The following KCNJ3 variants were observed in gnomAD, a reference collection of about 807,000 sequenced individuals.
The protein encoded by KCNJ3 is G protein-activated inward rectifier potassium channel 1.
Under a neutral mutation model 39.2 loss-of-function variants are expected in KCNJ3, and 4 were observed. The ratio of observed to expected loss-of-function variants is 0.10; its 90% CI spans 0.05 to 0.23. The LOEUF (loss-of-function observed/expected upper bound fraction) is 0.23. KCNJ3 is among the 10% of genes least tolerant of loss of function. KCNJ3 has a pLI of 1.00. For synonymous variants in KCNJ3, 230 were observed against 237.4 expected (o/e 0.97, Z 0.29); for missense variants, 276 against 634.9 (o/e 0.43, Z 6.08).
intron 2 of KCNJ3, among the ~76,000 whole-genome samples, chr2:154,844,549 C>A (rs1687634155): frequency 6.6e-6 from 1 of 152,206 alleles, no homozygotes; most frequent in Non-Finnish European, 1.5e-5. Context: ...ATGTCCTGCC[C>A]ACAGAGGTGG....
chr2:154,761,062 CT>C (rs11375045), intron 2 of KCNJ3, among the ~76,000 whole-genome samples: 44,677 of 133,838 alleles, frequency 0.33, 7,602 homozygotes, highest in Non-Finnish European at 0.42. Flanking sequence ...TTAATTTTTT[CT>C]TTTTTTTTTT....
At chr2:154,819,657 A>G (rs989034610) in intron 2 of KCNJ3, among the ~76,000 whole-genome samples, 27 of 151,806 alleles carry the variant, frequency 1.8e-4, no homozygotes, top group Non-Finnish European at 2.8e-4. Context: ...CAGCCTCCTG[A>G]GTAGCTGGGA....
At chr2:154,708,778 A>G (rs1685056144) in intron 1 of KCNJ3, among the ~76,000 whole-genome samples, 1 of 152,186 alleles carries the variant, frequency 6.6e-6, no homozygotes, top group Non-Finnish European at 1.5e-5. Flanking sequence ...CAATTTACTT[A>G]ATTAAGCTTT....
At chr2:154,776,087 C>T (rs1301343882) in intron 2 of KCNJ3, among the ~76,000 whole-genome samples, 1 of 151,730 alleles carries the variant, frequency 6.6e-6, no homozygotes, top group Non-Finnish European at 1.5e-5. Flanking sequence ...CTGCAACCCC[C>T]GCCTCCTGGG....
At chr2:154,726,979 C>T (rs10166297) in intron 2 of KCNJ3, among the ~76,000 whole-genome samples, 1,585 of 151,836 alleles carry the variant, frequency 0.01, 18 homozygotes, top group African/African-American at 0.036. Flanking sequence ...GACGCAAAGG[C>T]ATAAGAATGA....
intron 2 of KCNJ3, among the ~76,000 whole-genome samples, chr2:154,776,354 C>T (rs1254362672): frequency 6.6e-6 from 1 of 152,006 alleles, no homozygotes; most frequent in Non-Finnish European, 1.5e-5. Flanking sequence ...CCTTTCCCAC[C>T]CCCAACCCCC....
chr2:154,772,996 C>T (rs13030600), intron 2 of KCNJ3, among the ~76,000 whole-genome samples: 6,496 of 151,898 alleles, frequency 0.043, 201 homozygotes, highest in Middle Eastern at 0.061. Flanking sequence ...ATATTTAGTG[C>T]TGTAAGATCT....
intron 2 of KCNJ3, among the ~76,000 whole-genome samples, chr2:154,772,970 G>GA (rs1400073685): frequency 6.6e-6 from 1 of 151,666 alleles, no homozygotes; most frequent in Middle Eastern, 3.4e-3. Context: ...TTTTATTCTA[G>GA]AAAAAAATCA....
chr2:154,798,026 C>G (rs1686750397), intron 2 of KCNJ3, among the ~76,000 whole-genome samples: 1 of 152,022 alleles, frequency 6.6e-6, no homozygotes. Context: ...CAACCACCGT[C>G]AGCACTATTC....
At chr2:154,747,657 G>A (rs1685770435) in intron 2 of KCNJ3, among the ~76,000 whole-genome samples, 1 of 151,956 alleles carries the variant, frequency 6.6e-6, no homozygotes, top group African/African-American at 2.4e-5. Context: ...AGAAAGGAGA[G>A]GTTATTGCTT....
At chr2:154,780,726 G>A (rs2053671) in intron 2 of KCNJ3, among the ~76,000 whole-genome samples, 2 of 152,112 alleles carry the variant, frequency 1.3e-5, no homozygotes, top group South Asian at 2.1e-4. Context: ...AATGTTATAC[G>A]TGTATACCAT....
intron 2 of KCNJ3, among the ~76,000 whole-genome samples, chr2:154,835,421 T>C (rs1372906843): frequency 1.5e-5 from 2 of 137,474 alleles, no homozygotes; most frequent in Admixed American, 7.6e-5. Context: ...TTGCAGATTA[T>C]ATATGAATAT....
At chr2:154,741,954 G>A (rs373409679) in intron 2 of KCNJ3, among the ~76,000 whole-genome samples, 45 of 151,624 alleles carry the variant, frequency 3.0e-4, no homozygotes, top group African/African-American at 1.0e-3. Flanking sequence ...TCATAATGTC[G>A]TGCAATCGTC....
At position 154,796,669 on chromosome 2, in the gene KCNJ3, A is replaced by G. The variant is rs147059253; in HGVS notation, c.920-58058A>G. Among the ~76,000 whole-genome samples the G allele has an allele frequency of 6.5e-3, 995 of 152,194 alleles. 11 individuals carry two copies. Among genetic ancestry groups the G allele is most frequent in the Non-Finnish European group, 8.7e-3 (595 of 68,014 alleles). On this transcript the variant is annotated intron_variant, in intron 2 of 2. Coordinates refer to ENST00000295101, the MANE Select transcript of KCNJ3 (RefSeq NM_002239.4). ...TTTTTTGTGATACTTATGAAAAAGT[A>G]TGCTATATAACAGAGTTGAATGACC... is the stretch of plus-strand genomic sequence containing the variant.
chr2:154,774,935 G>A (rs1686305564), intron 2 of KCNJ3, among the ~76,000 whole-genome samples: 1 of 140,712 alleles, frequency 7.1e-6, no homozygotes, highest in Admixed American at 7.0e-5. Context: ...TGGTTTTAGA[G>A]ACAGGGTCTC....
chr2:154,739,935 T>C (rs112456001), intron 2 of KCNJ3, among the ~76,000 whole-genome samples: 1 of 152,040 alleles, frequency 6.6e-6, no homozygotes, highest in Non-Finnish European at 1.5e-5. Flanking sequence ...TGGGGACATA[T>C]ATGAGTTTTC....
At chr2:154,787,860 C>G (rs949258816) in intron 2 of KCNJ3, among the ~76,000 whole-genome samples, 1 of 151,988 alleles carries the variant, frequency 6.6e-6, no homozygotes, top group East Asian at 1.9e-4. Flanking sequence ...ATATAATTTA[C>G]TGGTGCTGTC....
chr2:154,792,433 A>G (rs1183572437), intron 2 of KCNJ3, among the ~76,000 whole-genome samples: 2 of 152,042 alleles, frequency 1.3e-5, no homozygotes, highest in East Asian at 1.9e-4. Context: ...AACTGTGCTG[A>G]TTCTTCTGCT....
chr2:154,747,923 C>T (rs1165593023), intron 2 of KCNJ3, among the ~76,000 whole-genome samples: 1 of 151,738 alleles, frequency 6.6e-6, no homozygotes, highest in African/African-American at 2.4e-5. Context: ...TGGGCTTGGT[C>T]AGGAAGCATC....
Sources: gnomAD v4.1 joint callset for allele counts (sites outside exome capture counted in the v4.1 genomes callset) on GRCh38, gnomAD v4.1.1 for gene constraint, MANE v1.5 for transcripts, NCBI Gene and HGNC (gene_info 2026-07-23, HGNC 2026-07-21) for gene names.